Variants in ABCD2 observed in about 807,000 individuals in gnomAD.
ABCD2 encodes ATP-binding cassette sub-family D member 2.
ABCD2 carries 36 observed loss-of-function variants against 70.9 expected under a neutral mutation model. That is an observed-to-expected ratio of 0.51 (90% CI 0.39 to 0.67). The LOEUF (loss-of-function observed/expected upper bound fraction) is 0.67, where lower values mean the gene tolerates loss of function less well. ABCD2 is among the 30% of genes least tolerant of loss of function. The pLI is 0.00. For synonymous variants in ABCD2, 304 were observed against 306.9 expected (o/e 0.99, Z 0.10); for missense variants, 729 against 890.2 (o/e 0.82, Z 2.30).
At chr12:39,577,442 A>G (rs965176563) in intron 8 of ABCD2, among the ~76,000 whole-genome samples, 8 of 152,184 alleles carry the variant, frequency 5.3e-5, no homozygotes, top group Non-Finnish European at 4.4e-5. Flanking sequence ...TAAATCTAGA[A>G]TAGGCAACAT....
chr12:39,532,054 G>A, the ABCD2 span, among the ~76,000 whole-genome samples: 7 of 152,252 alleles, frequency 4.6e-5, no homozygotes, highest in Admixed American at 2.6e-4. Flanking sequence ...AGGTATTGTG[G>A]GAGTACCTGA....
chr12:39,546,763 T>G (rs1367368996), downstream of ABCD2, among the ~76,000 whole-genome samples: 2 of 152,038 alleles, frequency 1.3e-5, no homozygotes, highest in Non-Finnish European at 2.9e-5. Context: ...GAAAAAAAAT[T>G]TTAAATGTCC....
downstream of ABCD2, among the ~76,000 whole-genome samples, chr12:39,548,447 A>G (rs1173644064): frequency 1.3e-5 from 2 of 152,028 alleles, no homozygotes; most frequent in African/African-American, 4.8e-5. Flanking sequence ...AACTTGTCTC[A>G]TATAAACAAT....
rs572576061 is a variant in ABCD2, at chr12:39,563,906, C to T, written c.2004-9775G>A. Among the ~76,000 whole-genome samples the T allele has an allele frequency of 6.4e-4, 98 of 152,224 alleles. 1 individual carries two copies. The highest frequency in any genetic ancestry group is 2.1e-3 in the African/African-American group (89 of 41,508). ...GTTTTTTTGTCCTTGCGATAGTTTG[C>T]TGAGAATGATGGTTTCCAGCTTCAT... On this transcript the variant is annotated intron_variant, in intron 9 of 9. Coordinates refer to ENST00000308666, the MANE Select transcript of ABCD2 (RefSeq NM_005164.4).
chr12:39,589,970 T>C (rs1447296241), intron 6 of ABCD2, among the ~76,000 whole-genome samples: 1 of 152,184 alleles, frequency 6.6e-6, no homozygotes, highest in Non-Finnish European at 1.5e-5. Flanking sequence ...TAAAATATTA[T>C]TATAATGTTA....
chr12:39,554,576 T>A (rs1046561815), intron 9 of ABCD2, among the ~76,000 whole-genome samples: 8 of 152,200 alleles, frequency 5.3e-5, no homozygotes, highest in African/African-American at 1.9e-4. Context: ...AATGAGTTCT[T>A]CTGCATAAGT....
chr12:39,534,984 G>T, the ABCD2 span, among the ~76,000 whole-genome samples: 1 of 152,170 alleles, frequency 6.6e-6, no homozygotes, highest in African/African-American at 2.4e-5. Flanking sequence ...ATATCTCGTT[G>T]TCTACCTGGC....
In ABCD2 at chr12:39,567,422, A is replaced by C. The variant is rs148843427; in HGVS notation, c.2003+6294T>G. Among the ~76,000 whole-genome samples the C allele has an allele frequency of 7.2e-5, 11 of 152,170 alleles. No individual in the cohort carries two copies. The East Asian group carries it at 2.1e-3, about 29-fold the overall frequency. Reference sequence around the variant, plus strand: ...GTCTCTTTTGATCTTTGTTGGTTTAAAGTCTCTTTTATTAGAGACTAGGAT... The same window carrying C: ...GTCTCTTTTGATCTTTGTTGGTTTACAGTCTCTTTTATTAGAGACTAGGAT... On this transcript the variant is annotated intron_variant, in intron 9 of 9. Transcript: ENST00000308666.
chr12:39,567,268 G>A (rs1941365893), intron 9 of ABCD2, among the ~76,000 whole-genome samples: 1 of 152,170 alleles, frequency 6.6e-6, no homozygotes, highest in African/African-American at 2.4e-5. Flanking sequence ...AGGAGTCTAA[G>A]TCTCTTTCTA....
chr12:39,540,477 C>T, the ABCD2 span, among the ~76,000 whole-genome samples: 1 of 152,066 alleles, frequency 6.6e-6, no homozygotes, highest in East Asian at 1.9e-4. Context: ...TTGAAATGGC[C>T]CTACAAAGCT....
intron 6 of ABCD2, among the ~76,000 whole-genome samples, chr12:39,587,338 AC>A (rs907497202): frequency 3.3e-4 from 50 of 152,288 alleles, no homozygotes; most frequent in African/African-American, 1.1e-3. Context: ...CAACAACGGC[AC>A]TTTGGCTTAT....
chr12:39,612,004 T>C (rs1462347492), intron 2 of ABCD2, among the ~76,000 whole-genome samples: 1 of 152,088 alleles, frequency 6.6e-6, no homozygotes, highest in Non-Finnish European at 1.5e-5. Flanking sequence ...TTAACCTCAA[T>C]AGTCATTAGA....
At chr12:39,604,246 A>G (rs1339703757) in intron 4 of ABCD2, among the ~76,000 whole-genome samples, 3 of 152,064 alleles carry the variant, frequency 2.0e-5, no homozygotes, top group Middle Eastern at 3.2e-3. Flanking sequence ...ATAATAATTG[A>G]ATGTCAACAT....
At chr12:39,536,606 TTTGTTG>T in the ABCD2 span, among the ~76,000 whole-genome samples, 1 of 152,138 alleles carries the variant, frequency 6.6e-6, no homozygotes, top group Non-Finnish European at 1.5e-5. Context: ...GAGGAGAGTT[TTTGTTG>T]TTGTTGTTGT....
intron 8 of ABCD2, among the ~76,000 whole-genome samples, chr12:39,577,851 A>G (rs1941540332): frequency 6.6e-6 from 1 of 152,210 alleles, no homozygotes; most frequent in Non-Finnish European, 1.5e-5. Flanking sequence ...AAGTGTAACG[A>G]AACATTAGAC....
intron 7 of ABCD2, among the ~76,000 whole-genome samples, chr12:39,583,229 CA>C (rs952541529): frequency 2.6e-5 from 4 of 152,074 alleles, no homozygotes; most frequent in African/African-American, 9.7e-5. Context: ...TTAATCTTCA[CA>C]AAAAACTTAT....
chr12:39,576,982 AG>A (rs1941526901), intron 8 of ABCD2, among the ~76,000 whole-genome samples: 1 of 152,164 alleles, frequency 6.6e-6, no homozygotes, highest in African/African-American at 2.4e-5. Flanking sequence ...TGAAATAAAA[AG>A]GATATAAATT....
intron 6 of ABCD2, among the ~76,000 whole-genome samples, chr12:39,589,811 A>G (rs1941720926): frequency 1.3e-5 from 2 of 152,220 alleles, no homozygotes; most frequent in Non-Finnish European, 2.9e-5. Flanking sequence ...ATATTTATTG[A>G]GGACTAATCA....
Position 39,619,464 on chromosome 12 carries a change from T to G in ABCD2, c.152A>C (p.Lys51Thr), listed in dbSNP as rs775454584. Residue 51 changes from lysine to threonine, a missense_variant, in exon 1 of 10, where the codon AAG becomes ACG. By Grantham distance (78) the Lys-to-Thr change is moderately conservative. Transcript: ENST00000308666. ...AGCAGGGTAAGCTGCTGCTTTTTTC[T>G]TCCCGTGGCCAGATTGCTTTAAACG... is the stretch of plus-strand genomic sequence containing the variant. ...GKRLKQSGHG[K>T]KKAAAYPAAE... The G allele has an allele frequency of 6.2e-7, 1 of 1,614,002 alleles. No homozygotes were observed. The highest frequency in any genetic ancestry group is 8.5e-7 in the Non-Finnish European group (1 of 1,180,016).
Sources: allele counts gnomAD v4.1 joint callset (sites outside exome capture counted in the v4.1 genomes callset), GRCh38; gene constraint gnomAD v4.1.1; transcripts MANE v1.5; gene names NCBI Gene and HGNC (gene_info 2026-07-23, HGNC 2026-07-21).